Variants in IGF2R observed in about 807,000 individuals in gnomAD.
IGF2R encodes the protein cation-independent mannose-6-phosphate receptor.
IGF2R carries 91 observed loss-of-function variants against 270.6 expected under a neutral mutation model. The ratio of observed to expected loss-of-function variants is 0.34; its 90% CI spans 0.28 to 0.40. The LOEUF is 0.40. IGF2R is among the 10% of genes least tolerant of loss of function. The pLI is 1.00. For missense variants in IGF2R, 2,805 were observed against 3,188.3 expected (o/e 0.88, Z 2.90); for synonymous variants, 1,316 against 1,258.9 (o/e 1.05, Z -0.96).
intron 2 of IGF2R, chr6:160,003,427 TGACTC>T (rs1583252486): frequency 6.6e-6 from 1 of 152,356 alleles, no homozygotes; most frequent in East Asian, 1.9e-4. Flanking sequence ...TAATCTTTTG[TGACTC>T]AAACGGATAG....
chr6:160,035,368 A>T (rs986816295), intron 10 of IGF2R, among the ~76,000 whole-genome samples: 6 of 152,166 alleles, frequency 3.9e-5, no homozygotes, highest in Non-Finnish European at 8.8e-5. Context: ...TCACTGTGGG[A>T]TGAGGGAGAG....
At chr6:160,070,148 T>C (rs1336066313) in intron 31 of IGF2R, 90 bp downstream of exon 31, 9 of 1,269,060 alleles carry the variant, frequency 7.1e-6, no homozygotes, top group Admixed American at 2.0e-5. Context: ...TCATCTGCCT[T>C]GGGATGCGAG....
chr6:160,106,967 A>C lies in IGF2R; in HGVS notation c.*1883A>C, dbSNP rs1779634262. 6.6e-6 allele frequency: 1 copy of C among 152,260 alleles called. No homozygotes were observed. The highest frequency in any genetic ancestry group is 6.5e-5 in the Admixed American group (1 of 15,288). 9.4% of individuals were successfully genotyped at this position (152,260 alleles called of 1,614,324 possible). ...TCAGCAGTGACTGAGAGCTACCTGC[A>C]TGGAAGCAGGAAGTTACTCCAGTGT... On this transcript the variant is annotated 3_prime_UTR_variant, in exon 48 of 48. Coordinates refer to ENST00000356956, the MANE Select transcript of IGF2R (RefSeq NM_000876.4).
chr6:160,053,616 A>T, intron 19 of IGF2R, among the ~76,000 whole-genome samples: 1 of 152,032 alleles, frequency 6.6e-6, no homozygotes, highest in East Asian at 1.9e-4. Context: ...AATTGGGGTA[A>T]AATATATATA....
At chr6:159,972,253 G>A (rs1160351824) in intron 1 of IGF2R, among the ~76,000 whole-genome samples, 1 of 152,214 alleles carries the variant, frequency 6.6e-6, no homozygotes, top group African/African-American at 2.4e-5. Context: ...AGCATGAAAA[G>A]TCGAGTCCTA....
rs1220036536 is a variant in IGF2R at position 160,068,265 on chromosome 6, T to A, written c.4132T>A (p.Ser1378Thr). The change falls in exon 30 of 48, where the codon TCC becomes ACC. Residue 1378 changes from serine to threonine, a missense_variant. This residue lies in a region of IGF2R where 1,851 missense variants were observed against 2,207.2 expected (regional missense o/e 0.84). Transcript: ENST00000356956. ...TCTTTTCAGAGATGGGGCTGGCAAC[T>A]CCTTCGACCTCTCGTCCCTGTCAAG... ...ECSFKDGAGN[S>T]FDLSSLSRYS... 6.2e-7 allele frequency: 1 copy of A among 1,614,212 alleles called. No individual in the cohort carries two copies. Among genetic ancestry groups the A allele is most frequent in the Admixed American group, 1.7e-5 (1 of 60,030 alleles).
chr6:160,027,657 G>T (rs1355023201), intron 6 of IGF2R, among the ~76,000 whole-genome samples: 1 of 152,200 alleles, frequency 6.6e-6, no homozygotes, highest in African/African-American at 2.4e-5. Flanking sequence ...TGTCCATTGT[G>T]TTCTCATCTT....
At chr6:160,018,293 A>G (rs1777350342) in intron 4 of IGF2R, among the ~76,000 whole-genome samples, 2 of 152,224 alleles carry the variant, frequency 1.3e-5, no homozygotes, top group South Asian at 4.1e-4. Flanking sequence ...TAAAAAGATT[A>G]TTCAACAAGA....
At chr6:160,005,272 C>G (rs908203575) in intron 2 of IGF2R, 5 of 152,594 alleles carry the variant, frequency 3.3e-5, no homozygotes, top group African/African-American at 1.2e-4. Context: ...CCGCGTGAAC[C>G]TGGAGCTTGG....
intron 6 of IGF2R, among the ~76,000 whole-genome samples, 179 bp from the exon 7 acceptor site, chr6:160,029,369 CTT>C (rs57359755): frequency 2.0e-5 from 3 of 147,272 alleles, no homozygotes; most frequent in Admixed American, 6.7e-5. Context: ...TTACTTAAAA[CTT>C]TTTTTTTTTT....
In IGF2R at chr6:160,102,543, C is replaced by T. The variant is rs149900660; in HGVS notation, c.6867C>T (p.Pro2289=). The T allele has an allele frequency of 1.5e-5, 24 of 1,612,656 alleles. 1 individual carries two copies. The South Asian group carries it at 1.8e-4, about 12-fold the overall frequency. Residue 2289 remains proline (P), a synonymous_variant, in exon 46 of 48, where the codon CCC becomes CCT. Transcript: ENST00000356956. The surrounding 1 kb of genome is among the most constrained non-coding windows in gnomAD (Gnocchi z 4.5). ...GGGTGGGCTTTGACAGCGAGAATCCCGGGGACGACGGGCAGATGCACAAGG... is the reference window on the plus strand; with the variant it reads ...GGGTGGGCTTTGACAGCGAGAATCCTGGGGACGACGGGCAGATGCACAAGG... The part of the protein sequence containing the change: ...PLGVGFDSEN[P]GDDGQMHKGL...
chr6:160,057,840 T>G (rs1778346744), intron 20 of IGF2R, among the ~76,000 whole-genome samples, 183 bp from the exon 21 acceptor site: 1 of 152,176 alleles, frequency 6.6e-6, no homozygotes, highest in South Asian at 2.1e-4. Flanking sequence ...TTGGTATACT[T>G]CAGGGTGGTG....
At position 160,059,164 on chromosome 6, in the gene IGF2R, A is replaced by C. The variant is rs1583284524; in HGVS notation, c.3091+66A>C. ...CTGGTGGCTCTGTGGCTGGCCATGCACCTTCCTGAGTGTAGGATGTGCACA... is the reference window on the plus strand; with the variant it reads ...CTGGTGGCTCTGTGGCTGGCCATGCCCCTTCCTGAGTGTAGGATGTGCACA... On this transcript the variant is annotated intron_variant, in intron 22 of 47. Transcript: ENST00000356956. 8.0e-6 allele frequency: 11 copies of C among 1,371,686 alleles called. No homozygotes were observed. In the East Asian group the frequency reaches 2.5e-4, roughly 31 times the overall value. 85.0% of individuals were successfully genotyped at this position (1,371,686 alleles called of 1,614,324 possible). A position where few individuals can be genotyped will look rare whatever the true frequency, so the allele number is the denominator to read the frequency against.
At chr6:160,048,011 G>C in intron 17 of IGF2R, 104 bp downstream of exon 17, 1 of 801,202 alleles carries the variant, frequency 1.2e-6, no homozygotes, top group Non-Finnish European at 2.2e-6. Context: ...AGTGATGCTG[G>C]CTGTGGGGCT....
intron 35 of IGF2R, chr6:160,074,208 T>C: frequency 1.8e-6 from 1 of 557,262 alleles, no homozygotes; most frequent in Non-Finnish European, 3.2e-6. Context: ...AACACGAATA[T>C]GTGTGTAGGG....
chr6:160,084,015 C>T lies in IGF2R; in HGVS notation c.5899C>T (p.Gln1967Ter). The T allele has an allele frequency of 6.2e-7, 1 of 1,614,132 alleles. No homozygotes were observed. Among genetic ancestry groups the T allele is most frequent in the Non-Finnish European group, 8.5e-7 (1 of 1,179,982 alleles). The change falls in exon 40 of 48, where the codon CAA becomes TAA. Residue 1967 changes from glutamine (Q) to a stop codon, truncating the protein, a stop_gained. Transcript: ENST00000356956. LOFTEE classifies it high-confidence loss of function. This position sits in a 1 kb window ranked among gnomAD's most constrained non-coding sequence, Gnocchi z 4.6. Reference protein sequence around the residue: ...CDEDEDIGRPQVFSEVRGCDV... With the variant: ...CDEDEDIGRP ...TGAAGATGAGGACATTGGGAGGCCA[C>T]AAGTCTTCAGTGAAGTGCGTGGGTG...
chr6:160,051,839 G>A (rs1778203833), intron 19 of IGF2R, among the ~76,000 whole-genome samples: 4 of 152,076 alleles, frequency 2.6e-5, no homozygotes, highest in Admixed American at 2.0e-4. Flanking sequence ...GCTCATGCCT[G>A]TAGTCCCAGT....
chr6:160,082,558 C>T (rs1779007248), intron 39 of IGF2R, among the ~76,000 whole-genome samples: 1 of 152,218 alleles, frequency 6.6e-6, no homozygotes, highest in Admixed American at 6.5e-5. Flanking sequence ...GATCCGCCCA[C>T]CTCGGCCTCC....
At position 160,080,219 on chromosome 6, in the gene IGF2R, G is replaced by T; in HGVS notation, c.5777G>T (p.Trp1926Leu). ...ECIIESRAKL[W>L]CSTTADYDRD... Reference sequence around the variant, plus strand: ...ATCATAGAGAGCAGGGCGAAGCTGTGGTGTAGCACAACTGCGGACTACGAC... The same window carrying T: ...ATCATAGAGAGCAGGGCGAAGCTGTTGTGTAGCACAACTGCGGACTACGAC... Residue 1926 changes from tryptophan (W) to leucine (L), a missense_variant, in exon 39 of 48, where the codon TGG (tryptophan) becomes TTG (leucine). Coordinates refer to ENST00000356956, the MANE Select transcript of IGF2R (RefSeq NM_000876.4). The T allele has an allele frequency of 1.2e-6, 2 of 1,614,188 alleles. No individual in the cohort carries two copies. Among genetic ancestry groups the T allele is most frequent in the Non-Finnish European group, 1.7e-6 (2 of 1,180,020 alleles).
Sources: gnomAD v4.1 joint callset for allele counts (sites outside exome capture counted in the v4.1 genomes callset) on GRCh38, gnomAD v4.1.1 for gene constraint, gnomAD v4.1.1 regional missense constraint, Gnocchi (gnomAD v3.1) non-coding constraint, MANE v1.5 for transcripts, NCBI Gene and HGNC (gene_info 2026-07-23, HGNC 2026-07-21) for gene names.